The following PIK3C3 variants were observed in gnomAD, a reference collection of about 807,000 sequenced individuals.
PIK3C3 encodes the protein PI3-kinase type 3.
Under a neutral mutation model 126.1 loss-of-function variants are expected in PIK3C3, and 95 were observed. The ratio of observed to expected loss-of-function variants is 0.75; its 90% CI spans 0.64 to 0.89. The LOEUF (loss-of-function observed/expected upper bound fraction) is 0.89. Ranked by LOEUF, PIK3C3 falls within the 40% of genes least tolerant of loss-of-function variation. PIK3C3 has a pLI of 0.00. For synonymous variants in PIK3C3, 374 were observed against 360.0 expected, an observed-to-expected ratio of 1.04 and a Z score of -0.44; for missense variants, 829 against 1,063.2, an observed-to-expected ratio of 0.78 and a Z score of 3.06.
At chr18:42,002,531 A>C (rs1460823773) in intron 9 of PIK3C3, among the ~76,000 whole-genome samples, 5 of 152,196 alleles carry the variant, frequency 3.3e-5, no homozygotes, top group Admixed American at 3.3e-4. Flanking sequence ...AGAAAAAGCA[A>C]TATGAAGACA....
intron 21 of PIK3C3, among the ~76,000 whole-genome samples, chr18:42,054,382 A>C (rs1984967920): frequency 6.6e-6 from 1 of 150,736 alleles, no homozygotes; most frequent in Non-Finnish European, 1.5e-5. Context: ...CTCTCTTTTC[A>C]CATTTTTCTG....
At chr18:42,012,141 A>G (rs1982854279) in intron 10 of PIK3C3, among the ~76,000 whole-genome samples, 1 of 151,990 alleles carries the variant, frequency 6.6e-6, no homozygotes, top group Non-Finnish European at 1.5e-5. Flanking sequence ...AATGATGCCA[A>G]TAGACTGCTT....
intron 21 of PIK3C3, among the ~76,000 whole-genome samples, chr18:42,054,544 C>G (rs1984974461): frequency 6.6e-6 from 1 of 152,044 alleles, no homozygotes; most frequent in South Asian, 2.1e-4. Flanking sequence ...ATCCTTCAAT[C>G]CAGTCAAGTT....
intron 24 of PIK3C3, among the ~76,000 whole-genome samples, chr18:42,079,589 C>A (rs921978199): frequency 2.8e-5 from 4 of 144,172 alleles, no homozygotes; most frequent in Admixed American, 2.1e-4. Context: ...TAAAAAAAAA[C>A]AAAACAAAAC....
intron 24 of PIK3C3, among the ~76,000 whole-genome samples, chr18:42,079,877 C>T (rs1480958344): frequency 3.9e-5 from 6 of 152,010 alleles, no homozygotes; most frequent in East Asian, 1.9e-4. Context: ...GATTCACCGC[C>T]GCTACCTCCA....
At position 42,077,311 on chromosome 18, in the gene PIK3C3, A is replaced by G. The variant is rs1384242146; in HGVS notation, c.2650-3812A>G. On this transcript the variant is annotated intron_variant, in intron 24 of 24. Transcript: ENST00000262039. ...GTAAATCTGTGAAGTTTGCCACATC[A>G]GTTGATTCTTCCTTTCACAAAAGAT... Among the ~76,000 whole-genome samples the G allele has an allele frequency of 2.6e-5, 4 of 152,226 alleles. No individual in the cohort carries two copies. In the South Asian group the frequency reaches 8.3e-4, roughly 31 times the overall value.
At chr18:41,996,589 AG>A (rs769170306) in intron 8 of PIK3C3, 48 bp from the exon 9 acceptor site, 9 of 792,802 alleles carry the variant, frequency 1.1e-5, no homozygotes, top group Non-Finnish European at 1.6e-5. Flanking sequence ...GGAAATATAT[AG>A]GACATGTATT....
rs1442364272 is a variant in PIK3C3 at position 42,084,560 on chromosome 18, T to C, written c.*3423T>C. 1.1e-5 allele frequency: 1 copy of C among 90,360 alleles called. No individual in the cohort carries two copies. The highest frequency in any genetic ancestry group is 3.0e-4 in the East Asian group (1 of 3,358). The allele number at this position is 90,360 out of a possible 1,614,324, so 5.6% of individuals were successfully genotyped here. A position where few individuals can be genotyped will look rare whatever the true frequency, so the allele number is the denominator to read the frequency against. ...GGTAAAAATGACAGAAATCTGAATA[T>C]AGTATAGAGTAGCTAAAAACAAACC... On this transcript the variant is annotated 3_prime_UTR_variant, in exon 25 of 25. Coordinates refer to ENST00000262039, the MANE Select transcript of PIK3C3 (RefSeq NM_002647.4).
At position 41,962,694 on chromosome 18, in the gene PIK3C3, G is replaced by A. The variant is rs927188084; in HGVS notation, c.401+62G>A. The A allele has an allele frequency of 2.6e-5, 39 of 1,499,634 alleles. No individual in the cohort carries two copies. The Middle Eastern group carries it at 5.3e-4, about 20-fold the overall frequency. 92.9% of individuals were successfully genotyped at this position (1,499,634 alleles called of 1,614,324 possible). On this transcript the variant is annotated intron_variant, in intron 3 of 24. Coordinates refer to ENST00000262039, the MANE Select transcript of PIK3C3 (RefSeq NM_002647.4). ...CAGCTTTCTGACCCTTTTCTTTTTC[G>A]GAATGAGGGAAGGCTTTAATAGTTT...
intron 10 of PIK3C3, among the ~76,000 whole-genome samples, chr18:42,009,607 T>G (rs970418170): frequency 3.3e-5 from 5 of 150,846 alleles, no homozygotes; most frequent in African/African-American, 1.2e-4. Flanking sequence ...GTAATGTACA[T>G]TATGTAGACT....
chr18:41,955,243 T>A lies in PIK3C3; in HGVS notation c.-49T>A, dbSNP rs1191036853. 6.8e-5 allele frequency: 103 copies of A among 1,519,122 alleles called. No homozygotes were observed. Among genetic ancestry groups the A allele is most frequent in the Non-Finnish European group, 9.4e-5 (103 of 1,098,412 alleles). 94.1% of individuals were successfully genotyped at this position (1,519,122 alleles called of 1,614,324 possible). On this transcript the variant is annotated 5_prime_UTR_variant, in exon 1 of 25. Transcript: ENST00000262039. ...CTCAGCTGGTTCATTTATGTTGTTTTTCCTGTACCTAAGTTCCCGCTGTAG... is the reference window on the plus strand; with the variant it reads ...CTCAGCTGGTTCATTTATGTTGTTTATCCTGTACCTAAGTTCCCGCTGTAG...
chr18:41,960,751 T>C (rs1980038012), intron 2 of PIK3C3, among the ~76,000 whole-genome samples: 1 of 137,328 alleles, frequency 7.3e-6, no homozygotes, highest in Non-Finnish European at 1.5e-5. Flanking sequence ...TTCTTTTTTC[T>C]TTTTTTTTTT....
intron 23 of PIK3C3, among the ~76,000 whole-genome samples, chr18:42,065,134 A>G (rs1985481819): frequency 6.6e-6 from 1 of 152,224 alleles, no homozygotes. Flanking sequence ...GCTACAATGA[A>G]TCTTCACAAG....
intron 1 of PIK3C3, among the ~76,000 whole-genome samples, chr18:41,957,087 TC>T (rs1979815365): frequency 6.6e-6 from 1 of 152,306 alleles, no homozygotes; most frequent in African/African-American, 2.4e-5. Context: ...TAAATTTTTT[TC>T]CCCAGAAGCA....
At chr18:42,061,588 A>G (rs750801684) in intron 22 of PIK3C3, among the ~76,000 whole-genome samples, 1 of 152,186 alleles carries the variant, frequency 6.6e-6, no homozygotes, top group African/African-American at 2.4e-5. Flanking sequence ...TCTAAAAAAA[A>G]AAAGTGGCCT....
At chr18:42,071,392 C>G (rs1457124931) in intron 24 of PIK3C3, among the ~76,000 whole-genome samples, 1 of 151,856 alleles carries the variant, frequency 6.6e-6, no homozygotes, top group Non-Finnish European at 1.5e-5. Context: ...TAGTGTTATC[C>G]CTATTTTATA....
At chr18:41,967,623 G>GTC (rs1020317611) in intron 3 of PIK3C3, among the ~76,000 whole-genome samples, 1 of 152,174 alleles carries the variant, frequency 6.6e-6, no homozygotes, top group African/African-American at 2.4e-5. Flanking sequence ...TTGGAGAATA[G>GTC]TCTAATTAAT....
intron 10 of PIK3C3, among the ~76,000 whole-genome samples, chr18:42,006,934 G>C (rs1363140316): frequency 1.4e-5 from 2 of 142,848 alleles, no homozygotes; most frequent in Non-Finnish European, 3.0e-5. Context: ...CGTGATCTCA[G>C]CTCACTGAAA....
intron 2 of PIK3C3, among the ~76,000 whole-genome samples, chr18:41,962,248 T>C (rs1028922151): frequency 2.0e-5 from 3 of 152,194 alleles, no homozygotes; most frequent in African/African-American, 7.2e-5. Flanking sequence ...TGGTGTTTTC[T>C]GAGTTTTATT....
Sources: allele counts gnomAD v4.1 joint callset (sites outside exome capture counted in the v4.1 genomes callset), GRCh38; gene constraint gnomAD v4.1.1; transcripts MANE v1.5; gene names NCBI Gene and HGNC (gene_info 2026-07-23, HGNC 2026-07-21).